Variants in EFHD1 observed in about 807,000 individuals in gnomAD.
EFHD1 encodes EF-hand domain family member D1.
In EFHD1, 10 loss-of-function variants were observed where a neutral mutation model predicts 17.2. The observed-to-expected ratio is 0.58, with a 90% CI of 0.36 to 0.99. The LOEUF is 0.99. Ranked by LOEUF, EFHD1 falls within the 50% of genes least tolerant of loss-of-function variation. The pLI, the probability that EFHD1 is intolerant of heterozygous loss-of-function variation, is 0.01. For synonymous variants in EFHD1, 153 were observed against 142.0 expected, an observed-to-expected ratio of 1.08 and a Z score of -0.55; for missense variants, 310 against 327.5, an observed-to-expected ratio of 0.95 and a Z score of 0.41.
At chr2:232,616,166 A>G (rs1326695019) in intron 1 of EFHD1, among the ~76,000 whole-genome samples, 1 of 152,208 alleles carries the variant, frequency 6.6e-6, no homozygotes, top group Non-Finnish European at 1.5e-5. Context: ...AACCTGGGGT[A>G]TAGAGAAAAC....
intron 1 of EFHD1, among the ~76,000 whole-genome samples, chr2:232,648,962 C>CCTGAGAACACCCTAT (rs1372110170): frequency 6.6e-6 from 1 of 152,164 alleles, no homozygotes; most frequent in Non-Finnish European, 1.5e-5. Context: ...CTGCTACCCT[C>CCTGAGAACACCCTAT]CTGAGAACAC....
chr2:232,659,810 C>T (rs1044222321), intron 1 of EFHD1, among the ~76,000 whole-genome samples: 18 of 152,180 alleles, frequency 1.2e-4, no homozygotes, highest in African/African-American at 3.9e-4. Context: ...GGAAGCATGG[C>T]AGCGTGTGCT....
chr2:232,622,190 G>C (rs531751326), intron 1 of EFHD1, among the ~76,000 whole-genome samples: 7 of 152,216 alleles, frequency 4.6e-5, no homozygotes, highest in South Asian at 4.2e-4. Context: ...ATCTGGGGCC[G>C]GGCATGGTGG....
chr2:232,627,105 C>T (rs1217263981), intron 1 of EFHD1, among the ~76,000 whole-genome samples: 3 of 143,530 alleles, frequency 2.1e-5, no homozygotes, highest in Non-Finnish European at 4.5e-5. Flanking sequence ...GTGGCACACA[C>T]CTGTAGTCCC....
intron 2 of EFHD1, among the ~76,000 whole-genome samples, chr2:232,670,148 A>T (rs772828350): frequency 2.0e-5 from 3 of 152,174 alleles, no homozygotes; most frequent in Non-Finnish European, 4.4e-5. Context: ...AAGATGGGGA[A>T]ATTGCCATTT....
chr2:232,681,886 C>A lies in EFHD1; in HGVS notation c.*167C>A. ...CCTTCATTCCTCCCAGTGTCCAAGC[C>A]CCTCCAGGAGGGTCCTGGGGTGGGC... On this transcript the variant is annotated 3_prime_UTR_variant, in exon 4 of 4. Transcript: ENST00000264059. 8.7e-7 allele frequency: 1 copy of A among 1,155,424 alleles called. No homozygotes were observed. Among genetic ancestry groups the A allele is most frequent in the Non-Finnish European group, 1.2e-6 (1 of 846,272 alleles). 71.6% of individuals were successfully genotyped at this position (1,155,424 alleles called of 1,614,324 possible).
chr2:232,658,297 C>T (rs559021883), intron 1 of EFHD1, among the ~76,000 whole-genome samples: 1 of 152,284 alleles, frequency 6.6e-6, no homozygotes, highest in Non-Finnish European at 1.5e-5. Flanking sequence ...AACTTTGTGT[C>T]ACCAGCGAAT....
At chr2:232,638,800 A>T (rs913732753) in intron 1 of EFHD1, among the ~76,000 whole-genome samples, 1 of 152,240 alleles carries the variant, frequency 6.6e-6, no homozygotes, top group Non-Finnish European at 1.5e-5. Flanking sequence ...TGTCCTGGCT[A>T]TAGCTTCAGT....
At chr2:232,641,755 C>A (rs1433374351) in intron 1 of EFHD1, among the ~76,000 whole-genome samples, 1 of 152,238 alleles carries the variant, frequency 6.6e-6, no homozygotes, top group African/African-American at 2.4e-5. Flanking sequence ...AATCCAGAGC[C>A]TGATCTCATT....
intron 3 of EFHD1, among the ~76,000 whole-genome samples, chr2:232,675,396 G>T (rs1380463827): frequency 6.6e-6 from 1 of 152,194 alleles, no homozygotes; most frequent in Non-Finnish European, 1.5e-5. Flanking sequence ...ATTGGACAGA[G>T]AGCTCCAGCC....
intron 1 of EFHD1, among the ~76,000 whole-genome samples, chr2:232,616,784 G>A (rs186709178): frequency 6.0e-4 from 91 of 152,222 alleles, no homozygotes; most frequent in African/African-American, 2.1e-3. Flanking sequence ...ACTTAATACT[G>A]CTGAAATGTA....
chr2:232,681,443 G>T, intron 3 of EFHD1, 142 bp from the exon 4 acceptor site: 1 of 1,205,348 alleles, frequency 8.3e-7, no homozygotes. Context: ...CGGAAAGAGT[G>T]CTTGCTGGGG....
rs529791159 is a variant in EFHD1 at position 232,634,581 on chromosome 2, G to C, written c.302+575G>C. Among the ~76,000 whole-genome samples the C allele has an allele frequency of 2.6e-5, 4 of 152,254 alleles. No homozygotes were observed. In the East Asian group the frequency reaches 7.7e-4, roughly 29 times the overall value. ...CGGGAGCCTCCTGGGGGCGCGGGGA[G>C]GGGGGGCGGTTGTGGGAACCGAACT... On this transcript the variant is annotated intron_variant, in intron 1 of 3. Transcript: ENST00000264059.
chr2:232,646,651 G>A (rs1198028509), intron 1 of EFHD1, among the ~76,000 whole-genome samples: 1 of 151,902 alleles, frequency 6.6e-6, no homozygotes, highest in Non-Finnish European at 1.5e-5. Flanking sequence ...CACCATGTTG[G>A]CCAGGCTGGT....
intron 1 of EFHD1, among the ~76,000 whole-genome samples, chr2:232,643,840 G>A (rs373411148): frequency 3.4e-3 from 512 of 152,250 alleles, no homozygotes; most frequent in African/African-American, 0.011. Context: ...GTGCTACCAC[G>A]CCCAGCTCAT....
chr2:232,640,567 T>A (rs6752086), intron 1 of EFHD1, among the ~76,000 whole-genome samples: 64,407 of 151,972 alleles, frequency 0.42, 13,982 homozygotes, highest in Non-Finnish European at 0.47. Flanking sequence ...CAGGTGCCAG[T>A]TTATATATAC....
chr2:232,640,293 G>T (rs1336106223), intron 1 of EFHD1, among the ~76,000 whole-genome samples: 1 of 152,096 alleles, frequency 6.6e-6, no homozygotes, highest in African/African-American at 2.4e-5. Flanking sequence ...TTAGCATGGG[G>T]CTACATTATG....
intron 2 of EFHD1, among the ~76,000 whole-genome samples, chr2:232,669,777 T>G (rs1366007658): frequency 6.6e-6 from 1 of 152,064 alleles, no homozygotes; most frequent in Non-Finnish European, 1.5e-5. Flanking sequence ...ATCTTTGTAT[T>G]TTTAGTGGAG....
intron 1 of EFHD1, among the ~76,000 whole-genome samples, 165 bp downstream of exon 1, chr2:232,634,171 G>C (rs544386081): frequency 6.6e-6 from 1 of 152,172 alleles, no homozygotes; most frequent in East Asian, 1.9e-4. Context: ...ATCTCGGCGC[G>C]GTGGGGGACG....
Sources: gnomAD v4.1 joint callset for allele counts (sites outside exome capture counted in the v4.1 genomes callset) on GRCh38, gnomAD v4.1.1 for gene constraint, MANE v1.5 for transcripts, NCBI Gene and HGNC (gene_info 2026-07-23, HGNC 2026-07-21) for gene names.